FOXP2: variants seen among roughly 807,000 people sequenced by gnomAD.
FOXP2 encodes the protein forkhead box P2, also known as forkhead box protein P2.
A neutral mutation model predicts 115.8 loss-of-function variants in FOXP2; 12 were observed. The ratio of observed to expected loss-of-function variants is 0.10; its 90% confidence interval spans 0.07 to 0.17. The LOEUF (loss-of-function observed/expected upper bound fraction) is 0.17, where lower values mean the gene tolerates loss of function less well. FOXP2 is among the 10% of genes least tolerant of loss of function. FOXP2 has a pLI of 1.00. For missense variants in FOXP2, 629 were observed against 843.5 expected (o/e 0.75, Z 3.15); for synonymous variants, 328 against 297.7 (o/e 1.10, Z -1.05).
intron 1 of FOXP2, among the ~76,000 whole-genome samples, chr7:114,152,503 C>A (rs924796942): frequency 1.3e-5 from 2 of 152,112 alleles, no homozygotes; most frequent in African/African-American, 4.8e-5. Context: ...AGTAGTCAAA[C>A]CTGTTACAGC....
At chr7:114,152,423 G>A (rs1309119874) in intron 1 of FOXP2, among the ~76,000 whole-genome samples, 1 of 152,122 alleles carries the variant, frequency 6.6e-6, no homozygotes, top group Non-Finnish European at 1.5e-5. Flanking sequence ...TAGAGTGTTT[G>A]CCCATCAGAG....
chr7:114,524,173 A>G (rs939509888), intron 2 of FOXP2, among the ~76,000 whole-genome samples: 2 of 152,082 alleles, frequency 1.3e-5, no homozygotes, highest in African/African-American at 4.8e-5. Flanking sequence ...AAAATTTTTC[A>G]TCTTTAATAT....
intron 1 of FOXP2, among the ~76,000 whole-genome samples, chr7:114,124,027 G>A (rs1480188273): frequency 6.6e-6 from 1 of 151,904 alleles, no homozygotes; most frequent in Non-Finnish European, 1.5e-5. Flanking sequence ...AAATATTTTT[G>A]ACTTGATTTT....
chr7:114,316,377 G>A (rs1446608294), intron 2 of FOXP2, among the ~76,000 whole-genome samples: 1 of 152,148 alleles, frequency 6.6e-6, no homozygotes, highest in African/African-American at 2.4e-5. Flanking sequence ...TATATACTGA[G>A]CATATACAGT....
intron 2 of FOXP2, among the ~76,000 whole-genome samples, chr7:114,293,957 A>G (rs1268959974): frequency 1.3e-5 from 2 of 152,346 alleles, no homozygotes; most frequent in East Asian, 1.9e-4. Flanking sequence ...TAATTAATAC[A>G]TTATATAATA....
chr7:114,101,299 T>C (rs980280862), intron 1 of FOXP2, among the ~76,000 whole-genome samples: 6 of 152,176 alleles, frequency 3.9e-5, no homozygotes, highest in African/African-American at 1.4e-4. Context: ...CCAGTGCCTC[T>C]GCTAACAAGA....
chr7:114,370,894 T>C (rs1439899255), intron 2 of FOXP2, among the ~76,000 whole-genome samples: 1 of 152,158 alleles, frequency 6.6e-6, no homozygotes, highest in Non-Finnish European at 1.5e-5. Context: ...TTTTAATGAA[T>C]GAAAGAATTT....
intron 1 of FOXP2, among the ~76,000 whole-genome samples, chr7:114,104,055 A>C (rs1791053559): frequency 6.6e-6 from 1 of 151,708 alleles, no homozygotes; most frequent in Non-Finnish European, 1.5e-5. Context: ...TGAGTGTTTA[A>C]GATTTTTGGT....
At chr7:114,315,054 A>T (rs1376778923) in intron 2 of FOXP2, among the ~76,000 whole-genome samples, 1 of 152,210 alleles carries the variant, frequency 6.6e-6, no homozygotes, top group Non-Finnish European at 1.5e-5. Flanking sequence ...TTTGTCAGCC[A>T]GGTGCATATA....
chr7:114,171,370 C>T (rs1793134989), intron 1 of FOXP2, among the ~76,000 whole-genome samples: 1 of 152,050 alleles, frequency 6.6e-6, no homozygotes, highest in Non-Finnish European at 1.5e-5. Flanking sequence ...GCCAGGAGTT[C>T]AAAACCAGCC....
chr7:114,093,130 A>G (rs1379740222), intron 1 of FOXP2, among the ~76,000 whole-genome samples: 1 of 152,118 alleles, frequency 6.6e-6, no homozygotes, highest in East Asian at 1.9e-4. Flanking sequence ...GATGTTACAT[A>G]AGGTCTTGTT....
intron 2 of FOXP2, among the ~76,000 whole-genome samples, chr7:114,482,032 A>T (rs1037235856): frequency 2.6e-5 from 4 of 151,328 alleles, no homozygotes; most frequent in African/African-American, 4.8e-5. Context: ...CTTAGTTACT[A>T]TTCCTCCTAG....
At chr7:114,185,953 AT>A (rs1246110827) in intron 1 of FOXP2, among the ~76,000 whole-genome samples, 1 of 152,016 alleles carries the variant, frequency 6.6e-6, no homozygotes. Context: ...TGGTAAGGGC[AT>A]TTTTTGCTAT....
At chr7:114,379,999 T>A (rs545887374) in intron 2 of FOXP2, among the ~76,000 whole-genome samples, 2 of 152,304 alleles carry the variant, frequency 1.3e-5, no homozygotes, top group East Asian at 3.9e-4. Context: ...TACTAGGGCT[T>A]GGTTTCCCAG....
At chr7:114,554,897 C>G (rs1355328652) in intron 3 of FOXP2, among the ~76,000 whole-genome samples, 1 of 151,996 alleles carries the variant, frequency 6.6e-6, no homozygotes, top group African/African-American at 2.4e-5. Context: ...TTGTGATTGC[C>G]TAATGTCAGG....
intron 3 of FOXP2, among the ~76,000 whole-genome samples, chr7:114,589,679 G>A (rs1173185116): frequency 6.6e-6 from 1 of 152,192 alleles, no homozygotes; most frequent in African/African-American, 2.4e-5. Flanking sequence ...GTGAGGGTGT[G>A]GGAGGAGTAG....
At chr7:114,642,206 T>C (rs73440417) in intron 6 of FOXP2, among the ~76,000 whole-genome samples, 1 of 152,130 alleles carries the variant, frequency 6.6e-6, no homozygotes. Context: ...TATTCCCAAA[T>C]TGGTACTCTT....
chr7:114,508,861 C>A (rs1797944182), intron 2 of FOXP2, among the ~76,000 whole-genome samples: 1 of 151,936 alleles, frequency 6.6e-6, no homozygotes, highest in East Asian at 1.9e-4. Flanking sequence ...ATGAATATAG[C>A]AAATATTAAG....
At chr7:114,217,245 G>A (rs1164873311) in intron 1 of FOXP2, among the ~76,000 whole-genome samples, 1 of 152,148 alleles carries the variant, frequency 6.6e-6, no homozygotes, top group Non-Finnish European at 1.5e-5. Flanking sequence ...TTGAAGAATA[G>A]CATTTATTTC....
Sources: gnomAD v4.1 joint callset for allele counts (sites outside exome capture counted in the v4.1 genomes callset) on GRCh38, gnomAD v4.1.1 for gene constraint, MANE v1.5 for transcripts, NCBI Gene and HGNC (gene_info 2026-07-23, HGNC 2026-07-21) for gene names.